The following PELO variants were observed in gnomAD, a reference collection of about 807,000 sequenced individuals.
PELO encodes protein pelota homolog.
A neutral mutation model predicts 25.9 loss-of-function variants in PELO; 19 were observed. The ratio of observed to expected loss-of-function variants is 0.73; its 90% CI spans 0.51 to 1.08. The LOEUF (loss-of-function observed/expected upper bound fraction) is 1.08. Among genes scored for constraint, PELO ranks in the 50% least tolerant of loss-of-function variants. The pLI is 0.00. For missense variants in PELO, 498 were observed against 491.4 expected (o/e 1.01, Z -0.13); for synonymous variants, 196 against 192.2 (o/e 1.02, Z -0.16).
chr5:52,788,376 G>T lies in PELO; in HGVS notation c.-549G>T, dbSNP rs575216826. The T allele has an allele frequency of 1.3e-6, 2 of 1,511,878 alleles. No individual in the cohort carries two copies. Among genetic ancestry groups the T allele is most frequent in the Non-Finnish European group, 1.8e-6 (2 of 1,134,006 alleles). The allele number at this position is 1,511,878 out of a possible 1,614,324, so 93.7% of individuals were successfully genotyped here. A position where few individuals can be genotyped will look rare whatever the true frequency, so the allele number is the denominator to read the frequency against. On this transcript the variant is annotated 5_prime_UTR_variant, in exon 1 of 3. Coordinates refer to ENST00000274311, the MANE Select transcript of PELO (RefSeq NM_015946.5). ...GCCATGGCCCCTCGGCCCCGCGCCC[G>T]CCCAGGGGTCGCTGTCGCCTGCTGC...
At chr5:52,792,369 G>A (rs192085490) in intron 1 of PELO, among the ~76,000 whole-genome samples, 40 of 152,292 alleles carry the variant, frequency 2.6e-4, no homozygotes, top group African/African-American at 9.4e-4. Flanking sequence ...GGTGAAAATT[G>A]TCTTACTCAT....
chr5:52,801,413 A>C lies in PELO; in HGVS notation c.731A>C (p.His244Pro). ...CTTTTGTAATTGTGATTCTAGGTAC[A>C]TGCCTCCTCCGGACACAAGTACTCC... ...LENRSKFLQV[H>P]ASSGHKYSLK... Residue 244 changes from histidine to proline, a missense_variant, in exon 3 of 3, where the codon CAT (histidine) becomes CCT (proline). Transcript: ENST00000274311. 2 of 1,610,702 alleles carry C rather than the reference A, an allele frequency of 1.2e-6. No individual in the cohort carries two copies. The highest frequency in any genetic ancestry group is 1.1e-5 in the South Asian group (1 of 90,964).
At position 52,797,812 on chromosome 5, in the gene PELO, C is replaced by T. The variant is rs2111654640; in HGVS notation, c.-510-2073C>T. On this transcript the variant is annotated intron_variant, in intron 1 of 2. Transcript: ENST00000274311. ...ATAAAATTAGGATAACAAATATTTA[C>T]CTTACAGGGGAGAATTAGAGCATAG... 1.3e-5 allele frequency among the ~76,000 whole-genome samples: 2 copies of T among 152,208 alleles called. 1 individual carries two copies. The highest frequency in any genetic ancestry group is 2.9e-5 in the Non-Finnish European group (2 of 67,988).
intron 1 of PELO, among the ~76,000 whole-genome samples, chr5:52,796,064 A>G (rs888212078): frequency 1.2e-4 from 18 of 152,166 alleles, no homozygotes; most frequent in African/African-American, 4.3e-4. Flanking sequence ...GGTGTTGTTT[A>G]AACACTTAAA....
In PELO at chr5:52,801,512, C is replaced by G; in HGVS notation, c.830C>G (p.Ala277Gly). 1.2e-6 allele frequency: 2 copies of G among 1,614,048 alleles called. No individual in the cohort carries two copies. The highest frequency in any genetic ancestry group is 1.7e-6 in the Non-Finnish European group (2 of 1,179,936). ...SDTKAAGEVK[A>G]LDDFYKMLQH... ...ACTAAAGCTGCTGGGGAAGTCAAAG[C>G]CTTGGATGACTTCTATAAAATGTTA... is the stretch of plus-strand genomic sequence containing the variant. The change falls in exon 3 of 3, where the codon GCC becomes GGC. Residue 277 changes from alanine to glycine, a missense_variant. Transcript: ENST00000274311.
At position 52,803,151 on chromosome 5, in the gene PELO, C is replaced by T. The variant is rs1258411832; in HGVS notation, c.*1311C>T. On this transcript the variant is annotated 3_prime_UTR_variant, in exon 3 of 3. Transcript: ENST00000274311. ...GTCTTTCCTGTGTCTGTGGGCCTTC[C>T]TCCTGGTGTGACAGACTTGGGGATT... The T allele has an allele frequency of 1.3e-5, 2 of 152,126 alleles. No individual in the cohort carries two copies. The highest frequency in any genetic ancestry group is 2.9e-5 in the Non-Finnish European group (2 of 68,040). 9.4% of individuals were successfully genotyped at this position (152,126 alleles called of 1,614,324 possible). A position where few individuals can be genotyped will look rare whatever the true frequency, so the allele number is the denominator to read the frequency against.
chr5:52,792,564 G>A (rs189552452), intron 1 of PELO, among the ~76,000 whole-genome samples: 3 of 152,244 alleles, frequency 2.0e-5, no homozygotes, highest in South Asian at 4.1e-4. Flanking sequence ...TATCACTGAT[G>A]TTCTGACTTC....
rs1324850419 is a variant in PELO, at chr5:52,800,832, C to T, written c.438C>T (p.Leu146=). ...DVAAVVMQEG[L]AHICLVTPSM... is the part of the protein sequence containing the mutation. Reference sequence around the variant, plus strand: ...CGGCTGTGGTCATGCAGGAAGGCCTCGCCCATATCTGCTTAGTCACTCCCA... The same window carrying T: ...CGGCTGTGGTCATGCAGGAAGGCCTTGCCCATATCTGCTTAGTCACTCCCA... Residue 146 remains leucine, a synonymous_variant, in exon 2 of 3, where the codon CTC becomes CTT. Transcript: ENST00000274311. 1 of 1,609,358 alleles carries T rather than the reference C, an allele frequency of 6.2e-7. No individual in the cohort carries two copies. The highest frequency in any genetic ancestry group is 8.5e-7 in the Non-Finnish European group (1 of 1,177,096).
Position 52,800,075 on chromosome 5 carries a change from G to T in PELO, c.-320G>T, listed in dbSNP as rs577758516. On this transcript the variant is annotated 5_prime_UTR_variant, in exon 2 of 3. Coordinates refer to ENST00000274311, the MANE Select transcript of PELO (RefSeq NM_015946.5). The stretch of plus-strand genomic sequence containing the variant: ...GGAGACGTGCGTCGGGTCGCGGGAC[G>T]GGGGCTGCGCATGCGCCTTCATTTC... 52 of 334,572 alleles carry T rather than the reference G, an allele frequency of 1.6e-4. No individual in the cohort carries two copies. Among genetic ancestry groups the T allele is most frequent in the South Asian group, 1.2e-3 (35 of 30,390 alleles). The allele number at this position is 334,572 out of a possible 1,614,324, so 20.7% of individuals were successfully genotyped here. A position where few individuals can be genotyped will look rare whatever the true frequency, so the allele number is the denominator to read the frequency against.
At chr5:52,789,997 C>T (rs1748207695) in intron 1 of PELO, among the ~76,000 whole-genome samples, 2 of 152,160 alleles carry the variant, frequency 1.3e-5, no homozygotes, top group Admixed American at 1.3e-4. Context: ...TATATTTATG[C>T]CCATTTCGCA....
intron 1 of PELO, among the ~76,000 whole-genome samples, chr5:52,792,174 C>T (rs1748254967): frequency 6.6e-6 from 1 of 152,160 alleles, no homozygotes; most frequent in South Asian, 2.1e-4. Flanking sequence ...TGTCTCTCTT[C>T]CCTAGAAACA....
Position 52,801,054 on chromosome 5 carries a change from C to T in PELO, c.660C>T (p.Tyr220=). 17 of 1,613,730 alleles carry T rather than the reference C, an allele frequency of 1.1e-5. No individual in the cohort carries two copies. The highest frequency in any genetic ancestry group is 1.4e-5 in the Non-Finnish European group (17 of 1,179,808). Residue 220 remains tyrosine (Y), a synonymous_variant, in exon 2 of 3, where the codon TAC becomes TAT. Transcript: ENST00000274311. ...PGFVREQFCD[Y]LFQQAVKTDN... is the part of the protein sequence containing the mutation. Reference sequence around the variant, plus strand: ...TTGTGAGGGAGCAGTTCTGCGACTACCTGTTTCAACAAGCAGTGAAGACCG... The same window carrying T: ...TTGTGAGGGAGCAGTTCTGCGACTATCTGTTTCAACAAGCAGTGAAGACCG...
chr5:52,798,245 T>C (rs1214917288), intron 1 of PELO, among the ~76,000 whole-genome samples: 2 of 152,132 alleles, frequency 1.3e-5, no homozygotes, highest in African/African-American at 2.4e-5. Flanking sequence ...TTCTTGAGGG[T>C]ACTCAGTATG....
At chr5:52,789,738 ATT>A (rs1652602978) in intron 1 of PELO, among the ~76,000 whole-genome samples, 1 of 152,142 alleles carries the variant, frequency 6.6e-6, no homozygotes, top group Non-Finnish European at 1.5e-5. Context: ...TTTAGATTGT[ATT>A]TTGTTGTTTT....
intron 1 of PELO, among the ~76,000 whole-genome samples, chr5:52,794,724 A>G (rs1310009625): frequency 6.6e-6 from 1 of 151,844 alleles, no homozygotes; most frequent in South Asian, 2.1e-4. Context: ...TTAGCTAACT[A>G]ATCCTCCCAG....
intron 1 of PELO, among the ~76,000 whole-genome samples, chr5:52,799,445 G>A (rs1423760023): frequency 6.6e-6 from 1 of 152,164 alleles, no homozygotes; most frequent in East Asian, 1.9e-4. Context: ...GAAAGCTGAG[G>A]CTGCCAACTT....
rs1561212363 is a variant in PELO at position 52,801,685 on chromosome 5, AGT to A, written c.1007_1008del (p.Val336GlufsTer8). 1.2e-6 allele frequency: 2 copies of A among 1,614,208 alleles called. No individual in the cohort carries two copies. Among genetic ancestry groups the A allele is most frequent in the South Asian group, 2.2e-5 (2 of 91,082 alleles). ...TRSRYVRLVDSVKENAGTVRI... is the reference protein window; with the variant it reads ...TRSRYVRLVDXVKENAGTVRI... ...GAGCCGGTATGTGAGGCTGGTGGAC[AGT>A]GTGAAAGAGAATGCAGGCACCGTTA... On this transcript the variant is annotated frameshift_variant, in exon 3 of 3. Transcript: ENST00000274311. LOFTEE classifies it high-confidence loss of function.
chr5:52,788,359 C>T lies in PELO; in HGVS notation c.-566C>T. 3 of 1,509,828 alleles carry T rather than the reference C, an allele frequency of 2.0e-6. No homozygotes were observed. Among genetic ancestry groups the T allele is most frequent in the Non-Finnish European group, 2.6e-6 (3 of 1,133,624 alleles). 93.5% of individuals were successfully genotyped at this position (1,509,828 alleles called of 1,614,324 possible). ...GCGCTGAGGCTGCTCCGGCCATGGC[C>T]CCTCGGCCCCGCGCCCGCCCAGGGG... On this transcript the variant is annotated 5_prime_UTR_variant, in exon 1 of 3. Coordinates refer to ENST00000274311, the MANE Select transcript of PELO (RefSeq NM_015946.5).
Position 52,801,631 on chromosome 5 carries a change from C to CT in PELO, c.950dup (p.Phe318LeufsTer27), listed in dbSNP as rs1748488006. On this transcript the variant is annotated frameshift_variant, in exon 3 of 3. Transcript: ENST00000274311. LOFTEE classifies it high-confidence loss of function. Reference sequence around the variant, plus strand: ...TGACACATTGCTCATCAGCGATGAGCTCTTCAGGCATCAGGATGTAGCCAC... The same window carrying CT: ...TGACACATTGCTCATCAGCGATGAGCTTCTTCAGGCATCAGGATGTAGCCAC... The CT allele has an allele frequency of 6.2e-7, 1 of 1,614,108 alleles. No homozygotes were observed. The highest frequency in any genetic ancestry group is 8.5e-7 in the Non-Finnish European group (1 of 1,179,952).
Sources: allele counts gnomAD v4.1 joint callset (sites outside exome capture counted in the v4.1 genomes callset), GRCh38; gene constraint gnomAD v4.1.1; transcripts MANE v1.5; gene names NCBI Gene and HGNC (gene_info 2026-07-23, HGNC 2026-07-21).